Variants in CALD1 observed in about 807,000 individuals in gnomAD.
CALD1 encodes caldesmon.
CALD1 carries 33 observed loss-of-function variants against 99.9 expected under a neutral mutation model. The ratio of observed to expected loss-of-function variants is 0.33; its 90% confidence interval spans 0.25 to 0.44. The LOEUF is 0.44. CALD1 is among the 20% of genes least tolerant of loss of function. CALD1 has a pLI of 1.00. For missense variants in CALD1, 861 were observed against 962.1 expected, an observed-to-expected ratio of 0.89 and a Z score of 1.39; for synonymous variants, 310 against 325.0, an observed-to-expected ratio of 0.95 and a Z score of 0.50.
intron 1 of CALD1, among the ~76,000 whole-genome samples, chr7:134,823,455 T>C (rs1052860372): frequency 3.3e-5 from 5 of 152,226 alleles, no homozygotes; most frequent in Non-Finnish European, 5.9e-5. Flanking sequence ...ACATTTTACA[T>C]GGTGCTTGGT....
intron 2 of CALD1, among the ~76,000 whole-genome samples, chr7:134,852,120 C>A (rs1195276317): frequency 6.6e-6 from 1 of 151,996 alleles, no homozygotes; most frequent in African/African-American, 2.4e-5. Flanking sequence ...AACAGCAAGG[C>A]CATATAGTAT....
intron 3 of CALD1, among the ~76,000 whole-genome samples, chr7:134,911,726 G>C (rs1254100054): frequency 6.6e-6 from 1 of 152,172 alleles, no homozygotes; most frequent in Non-Finnish European, 1.5e-5. Context: ...ATTGCTTTGT[G>C]TTTTAATGCC....
chr7:134,784,135 T>C (rs1797216429), intron 1 of CALD1, among the ~76,000 whole-genome samples: 1 of 152,256 alleles, frequency 6.6e-6, no homozygotes, highest in South Asian at 2.1e-4. Flanking sequence ...TATGTATATG[T>C]ATAAATGATG....
intron 11 of CALD1, 64 bp downstream of exon 11, chr7:134,958,354 G>A: frequency 7.9e-7 from 1 of 1,265,750 alleles, no homozygotes; most frequent in Non-Finnish European, 1.2e-6. Flanking sequence ...ACATAGAAGA[G>A]CATAAAAACA....
chr7:134,833,089 A>G (rs749308396), intron 1 of CALD1, among the ~76,000 whole-genome samples: 2 of 152,230 alleles, frequency 1.3e-5, no homozygotes, highest in Non-Finnish European at 2.9e-5. Flanking sequence ...TTGCCATTTC[A>G]ACAGAGACCA....
chr7:134,711,660 C>CTCTATA, the CALD1 span, among the ~76,000 whole-genome samples: 181 of 78,244 alleles, frequency 2.3e-3, 1 homozygote, highest in African/African-American at 8.1e-3. Context: ...CTCTCTCTCT[C>CTCTATA]TATATATATA....
At chr7:134,753,495 C>T (rs1208919469) in intron 1 of CALD1, among the ~76,000 whole-genome samples, 1 of 152,152 alleles carries the variant, frequency 6.6e-6, no homozygotes, top group Non-Finnish European at 1.5e-5. Context: ...TTGAAAAATA[C>T]TGACATCCGG....
At chr7:134,806,872 A>G (rs890393068) in intron 1 of CALD1, among the ~76,000 whole-genome samples, 4 of 152,196 alleles carry the variant, frequency 2.6e-5, no homozygotes, top group Non-Finnish European at 5.9e-5. Context: ...TCCTGTCACA[A>G]CATGGCTCCC....
At chr7:134,835,272 A>C (rs1182412982) in intron 1 of CALD1, among the ~76,000 whole-genome samples, 1 of 152,186 alleles carries the variant, frequency 6.6e-6, no homozygotes, top group Non-Finnish European at 1.5e-5. Context: ...TCTCTCTGTC[A>C]GTGTTTCATG....
the CALD1 span, among the ~76,000 whole-genome samples, chr7:134,720,748 G>A: frequency 6.6e-6 from 1 of 152,182 alleles, no homozygotes; most frequent in Non-Finnish European, 1.5e-5. Flanking sequence ...AACAGAGAGT[G>A]GGGAATGAAG....
In CALD1 at chr7:134,968,492, A is replaced by T; in HGVS notation, c.*147A>T. ...ATATCCCAGTAAACCCATGTATATT[A>T]TCACTATATTTAATAATCACAGTCT... On this transcript the variant is annotated 3_prime_UTR_variant, in exon 15 of 15. Transcript: ENST00000361675. 1.4e-6 allele frequency: 1 copy of T among 739,684 alleles called. No individual in the cohort carries two copies. The highest frequency in any genetic ancestry group is 2.5e-6 in the Non-Finnish European group (1 of 405,714). The allele number at this position is 739,684 out of a possible 1,614,324, so 45.8% of individuals were successfully genotyped here.
chr7:134,804,421 T>G (rs1798058941), intron 1 of CALD1, among the ~76,000 whole-genome samples: 1 of 152,196 alleles, frequency 6.6e-6, no homozygotes, highest in Admixed American at 6.5e-5. Flanking sequence ...TCAATTATTT[T>G]TCTTTAAAGA....
intron 2 of CALD1, among the ~76,000 whole-genome samples, chr7:134,849,321 T>C (rs1258426033): frequency 6.6e-6 from 1 of 152,210 alleles, no homozygotes; most frequent in Non-Finnish European, 1.5e-5. Context: ...AACTTTTGTA[T>C]AGAATGTTGT....
At chr7:134,859,999 T>C (rs1349915508) in intron 2 of CALD1, among the ~76,000 whole-genome samples, 1 of 151,970 alleles carries the variant, frequency 6.6e-6, no homozygotes, top group African/African-American at 2.4e-5. Context: ...TGCTAAGAGA[T>C]TGTGCGGGGA....
At chr7:134,769,408 T>C (rs1428825528) in intron 1 of CALD1, among the ~76,000 whole-genome samples, 1 of 152,240 alleles carries the variant, frequency 6.6e-6, no homozygotes, top group Admixed American at 6.5e-5. Context: ...CAACAACGTT[T>C]AGTTTTGCGT....
intron 1 of CALD1, among the ~76,000 whole-genome samples, chr7:134,781,691 G>A (rs1193553910): frequency 6.6e-6 from 1 of 152,180 alleles, no homozygotes; most frequent in Non-Finnish European, 1.5e-5. Context: ...GACACACAAG[G>A]AATGTATGTA....
At position 134,925,082 on chromosome 7, in the gene CALD1, C is replaced by T. The variant is rs139205003; in HGVS notation, c.72-3672C>T. On this transcript the variant is annotated intron_variant, in intron 3 of 14. Coordinates refer to ENST00000361675, the MANE Select transcript of CALD1 (RefSeq NM_033138.4). ...GGCAGTTCTTTATAGCAGTGTGAAA[C>T]GGACTAATACACTCTAGTAGCTGTG... Among the ~76,000 whole-genome samples, 26 of 152,094 alleles carry T rather than the reference C, an allele frequency of 1.7e-4. 1 individual carries two copies. The highest frequency in any genetic ancestry group is 2.8e-4 in the Non-Finnish European group (19 of 68,020).
intron 1 of CALD1, among the ~76,000 whole-genome samples, chr7:134,803,206 G>A (rs928770986): frequency 3.3e-5 from 5 of 151,766 alleles, no homozygotes; most frequent in East Asian, 3.9e-4. Flanking sequence ...ATTTATTCAC[G>A]TTTCTTGCCC....
At chr7:134,923,477 C>T (rs189310644) in intron 3 of CALD1, among the ~76,000 whole-genome samples, 54 of 152,318 alleles carry the variant, frequency 3.5e-4, no homozygotes, top group Non-Finnish European at 5.0e-4. Flanking sequence ...GGGAACATCA[C>T]TTGGCTTTGT....
Sources: gnomAD v4.1 joint callset for allele counts (sites outside exome capture counted in the v4.1 genomes callset) on GRCh38, gnomAD v4.1.1 for gene constraint, MANE v1.5 for transcripts, NCBI Gene and HGNC (gene_info 2026-07-23, HGNC 2026-07-21) for gene names.